Variants in KAZN observed in about 807,000 individuals in gnomAD.
The protein encoded by KAZN is kazrin, periplakin interacting protein.
KAZN carries 40 observed loss-of-function variants against 87.4 expected under a neutral mutation model. That is an observed-to-expected ratio of 0.46 (90% CI 0.36 to 0.60). The LOEUF is 0.60. Among genes scored for constraint, KAZN ranks in the 20% least tolerant of loss-of-function variants. The pLI, the probability that KAZN is intolerant of heterozygous loss-of-function variation, is 0.00. For missense variants in KAZN, 898 were observed against 1,073.9 expected (o/e 0.84, Z 2.29); for synonymous variants, 466 against 458.3 (o/e 1.02, Z -0.22).
intron 2 of KAZN, among the ~76,000 whole-genome samples, chr1:14,297,953 C>T (rs1218143716): frequency 2.6e-5 from 4 of 152,088 alleles, no homozygotes; most frequent in East Asian, 1.9e-4. Context: ...TGAAGCTGGG[C>T]GCGGTATCAC....
At chr1:14,469,989 C>T (rs980206704) in intron 2 of KAZN, among the ~76,000 whole-genome samples, 12 of 151,928 alleles carry the variant, frequency 7.9e-5, no homozygotes, top group Admixed American at 7.2e-4. Context: ...ATTGATACAG[C>T]GAACACTATT....
At chr1:14,407,012 T>A (rs937056861) in intron 2 of KAZN, among the ~76,000 whole-genome samples, 1 of 152,232 alleles carries the variant, frequency 6.6e-6, no homozygotes, top group Non-Finnish European at 1.5e-5. Flanking sequence ...TCGCAAGTCA[T>A]CTATGAGTAC....
At chr1:14,277,617 C>T (rs564706488) in intron 2 of KAZN, among the ~76,000 whole-genome samples, 2 of 149,646 alleles carry the variant, frequency 1.3e-5, no homozygotes, top group Admixed American at 6.7e-5. Flanking sequence ...GAGCCAAGAT[C>T]GTGCCATTGC....
chr1:14,544,350 C>CTTTTTTTTTTTTTTTTTTTTGTTTTTTT (rs374148415), intron 2 of KAZN, among the ~76,000 whole-genome samples: 1 of 98,120 alleles, frequency 1.0e-5, no homozygotes, highest in Non-Finnish European at 1.9e-5. Context: ...TTCTTTCTTT[C>CTTTTTTTTTTTTTTTTTTTTGTTTTTTT]TTTTTTTTTT....
At chr1:14,618,540 G>A (rs1345987468) in intron 1 of KAZN, among the ~76,000 whole-genome samples, 2 of 152,138 alleles carry the variant, frequency 1.3e-5, no homozygotes, top group South Asian at 2.1e-4. Flanking sequence ...AAGGGACAAG[G>A]CATCCTTCTA....
At chr1:14,581,335 T>C (rs1455141405) in intron 2 of KAZN, among the ~76,000 whole-genome samples, 1 of 152,178 alleles carries the variant, frequency 6.6e-6, no homozygotes, top group Non-Finnish European at 1.5e-5. Flanking sequence ...CTCTCACATG[T>C]GTTGCATTTA....
At chr1:14,606,627 C>G (rs1314509240) in intron 1 of KAZN, among the ~76,000 whole-genome samples, 1 of 152,114 alleles carries the variant, frequency 6.6e-6, no homozygotes, top group African/African-American at 2.4e-5. Context: ...CCTGAGTTCT[C>G]TCTCTGTGGC....
chr1:14,616,766 G>A (rs1028633991), intron 1 of KAZN, among the ~76,000 whole-genome samples: 1 of 152,214 alleles, frequency 6.6e-6, no homozygotes, highest in Non-Finnish European at 1.5e-5. Flanking sequence ...GAAGCTCAGC[G>A]ATAGAACCAG....
chr1:14,911,104 A>T (rs901257631), intron 1 of KAZN, among the ~76,000 whole-genome samples: 2 of 152,220 alleles, frequency 1.3e-5, no homozygotes, highest in African/African-American at 2.4e-5. Flanking sequence ...GGCCCTGCCC[A>T]TGTTGGCCAC....
intron 8 of KAZN, among the ~76,000 whole-genome samples, chr1:15,093,930 C>T (rs1335859892): frequency 3.3e-5 from 5 of 152,140 alleles, no homozygotes; most frequent in African/African-American, 9.7e-5. Context: ...TTCACAGTCA[C>T]GTGGGGTGAT....
intron 2 of KAZN, among the ~76,000 whole-genome samples, chr1:14,511,776 G>A (rs1361921702): frequency 1.3e-5 from 2 of 152,126 alleles, no homozygotes; most frequent in African/African-American, 4.8e-5. Context: ...GTCAGATCTT[G>A]TTAACACAGG....
intron 1 of KAZN, among the ~76,000 whole-genome samples, chr1:14,741,411 T>C (rs1047409783): frequency 2.6e-5 from 4 of 152,182 alleles, no homozygotes; most frequent in Non-Finnish European, 4.4e-5. Flanking sequence ...CCCAGAGACC[T>C]ACAGTTTTTT....
intron 1 of KAZN, among the ~76,000 whole-genome samples, chr1:14,772,247 C>T (rs1187990655): frequency 6.6e-6 from 1 of 152,114 alleles, no homozygotes; most frequent in African/African-American, 2.4e-5. Flanking sequence ...CTTTGGGAGG[C>T]CGAGGCAGGA....
chr1:14,829,698 A>G (rs1319791766), intron 1 of KAZN, among the ~76,000 whole-genome samples: 1 of 152,174 alleles, frequency 6.6e-6, no homozygotes, highest in Non-Finnish European at 1.5e-5. Flanking sequence ...AGGCAGACAG[A>G]ATGATGTGTG....
intron 1 of KAZN, among the ~76,000 whole-genome samples, chr1:14,728,862 T>C (rs190885195): frequency 9.1e-4 from 138 of 152,300 alleles, no homozygotes; most frequent in African/African-American, 3.2e-3. Context: ...ATAAAGTTCT[T>C]GGCAAGGATT....
intron 2 of KAZN, among the ~76,000 whole-genome samples, chr1:14,577,935 G>A (rs530746399): frequency 6.6e-6 from 1 of 152,214 alleles, no homozygotes; most frequent in South Asian, 2.1e-4. Flanking sequence ...CGGTCTAACT[G>A]TCAAAAGTCC....
chr1:15,109,588 TATATGTATGG>T (rs1267313819), intron 13 of KAZN, among the ~76,000 whole-genome samples: 17 of 150,728 alleles, frequency 1.1e-4, no homozygotes, highest in African/African-American at 4.2e-4. Context: ...TATGTGTGTG[TATATGTATGG>T]GTATGTATGG....
chr1:14,169,719 C>T (rs1645911545), intron 1 of KAZN, among the ~76,000 whole-genome samples: 1 of 152,202 alleles, frequency 6.6e-6, no homozygotes, highest in East Asian at 1.9e-4. Flanking sequence ...ATAATGATAG[C>T]TGGGTGTCAT....
At chr1:14,950,186 C>G (rs1662314396) in intron 1 of KAZN, among the ~76,000 whole-genome samples, 1 of 151,980 alleles carries the variant, frequency 6.6e-6, no homozygotes, top group Non-Finnish European at 1.5e-5. Flanking sequence ...AGAGTCTTCT[C>G]CTATTTGGGG....
Sources: gnomAD v4.1 joint callset for allele counts (sites outside exome capture counted in the v4.1 genomes callset) on GRCh38, gnomAD v4.1.1 for gene constraint, MANE v1.5 for transcripts, NCBI Gene and HGNC (gene_info 2026-07-23, HGNC 2026-07-21) for gene names.